The following CASP2 variants were observed in gnomAD, a reference collection of about 807,000 sequenced individuals.
The protein encoded by CASP2 is caspase-2.
In CASP2, 38 loss-of-function variants were observed where a neutral mutation model predicts 54.4. The observed-to-expected ratio is 0.70, with a 90% confidence interval of 0.54 to 0.92. The LOEUF (loss-of-function observed/expected upper bound fraction) is 0.92. CASP2 is among the 40% of genes least tolerant of loss of function. The probability of loss-of-function intolerance (pLI) is 0.00; values close to 1 mark genes in which losing one functional copy is unlikely to be tolerated. For synonymous variants in CASP2, 215 were observed against 216.3 expected, an observed-to-expected ratio of 0.99 and a Z score of 0.05; for missense variants, 512 against 579.6, an observed-to-expected ratio of 0.88 and a Z score of 1.20.
At position 143,293,031 on chromosome 7, in the gene CASP2, A is replaced by ATAAAT. The variant is rs1228782366; in HGVS notation, c.475+337_475+338insTTAAA. The ATAAAT allele has an allele frequency of 7.4e-5, 44 of 598,110 alleles. No homozygotes were observed. In the African/African-American group the frequency reaches 8.2e-4, roughly 11 times the overall value. The allele number at this position is 598,110 out of a possible 1,614,324, so 37.1% of individuals were successfully genotyped here. ...GTCTCAAAAAATAAAATAAAATAAA[A>ATAAAT]TAAAAAGGAGGGGGGTGTCCCAGAT... On this transcript the variant is annotated intron_variant, in intron 4 of 10. Coordinates refer to ENST00000310447, the MANE Select transcript of CASP2 (RefSeq NM_032982.4).
chr7:143,292,258 A>G (rs1297296601), intron 2 of CASP2, 42 bp from the exon 3 acceptor site: 13 of 1,598,136 alleles, frequency 8.1e-6, no homozygotes, highest in South Asian at 1.1e-5. Flanking sequence ...AATTATAGCT[A>G]GAGAAGTAAA....
intron 6 of CASP2, among the ~76,000 whole-genome samples, chr7:143,297,347 T>C (rs1480791441): frequency 6.6e-6 from 1 of 152,230 alleles, no homozygotes. Flanking sequence ...GGTTACAAAG[T>C]GCGTGTATTC....
At chr7:143,301,487 A>C (rs1801916278) in intron 8 of CASP2, 1 of 152,218 alleles carries the variant, frequency 6.6e-6, no homozygotes, top group Admixed American at 6.5e-5. Context: ...AGACTAGTTC[A>C]CAGGCCTCAT....
chr7:143,292,313 G>C lies in CASP2; in HGVS notation c.239G>C (p.Ser80Thr). The change falls in exon 3 of 11, where the codon AGT becomes ACT. Residue 80 changes from serine to threonine, a missense_variant. Ser to Thr is a moderately conservative substitution (Grantham distance 58, BLOSUM62 1). Coordinates refer to ENST00000310447, the MANE Select transcript of CASP2 (RefSeq NM_032982.4). ...MRELIQAKVG[S>T]FSQNVELLNL... ...CTTGTGTCTTAGGCCAAAGTGGGCA[G>C]TTTCAGCCAGAATGTGGAACTCCTC... 6.2e-7 allele frequency: 1 copy of C among 1,614,214 alleles called. No homozygotes were observed.
rs373307509 is a variant in CASP2, at chr7:143,288,566, C to A, written c.74+37C>A. On this transcript the variant is annotated intron_variant, in intron 1 of 10. Transcript: ENST00000310447. Reference sequence around the variant, plus strand: ...ACGGTCTTAGGGCTCCTTAGGGGAGCCCAGGGAAGGGGAGCGTGGCCCCCA... The same window carrying A: ...ACGGTCTTAGGGCTCCTTAGGGGAGACCAGGGAAGGGGAGCGTGGCCCCCA... The A allele has an allele frequency of 5.1e-6, 8 of 1,571,150 alleles. No individual in the cohort carries two copies. In the African/African-American group the frequency reaches 9.5e-5, roughly 19 times the overall value.
chr7:143,304,422 G>A (rs776008372), intron 9 of CASP2, among the ~76,000 whole-genome samples: 4 of 152,184 alleles, frequency 2.6e-5, no homozygotes, highest in Non-Finnish European at 4.4e-5. Flanking sequence ...CATAACTTCC[G>A]TATACACTGG....
chr7:143,292,654 TG>T lies in CASP2; in HGVS notation c.432del (p.Cys145ValfsTer21). The T allele has an allele frequency of 6.2e-7, 1 of 1,613,372 alleles. No individual in the cohort carries two copies. Among genetic ancestry groups the T allele is most frequent in the Non-Finnish European group, 8.5e-7 (1 of 1,180,002 alleles). On this transcript the variant is annotated frameshift_variant, in exon 4 of 11. Transcript: ENST00000310447. LOFTEE classifies it high-confidence loss of function. Reference sequence around the variant, plus strand: ...TACGACTTGAGTCTCCCTTTTCCGGTGTGTGAGTCCTGTCCCCTTTACAAGA... The same window carrying T: ...TACGACTTGAGTCTCCCTTTTCCGGTTGTGAGTCCTGTCCCCTTTACAAGA... ...CDYDLSLPFP[V>X]CESCPLYKKL...
chr7:143,304,747 G>T lies in CASP2; in HGVS notation c.1191G>T (p.Arg397=). 6.2e-7 allele frequency: 1 copy of T among 1,614,182 alleles called. No individual in the cohort carries two copies. The highest frequency in any genetic ancestry group is 1.1e-5 in the South Asian group (1 of 91,078). ...IEALAQVFSE[R]ACDMHVADML... is the part of the protein sequence containing the mutation. The stretch of plus-strand genomic sequence containing the variant: ...CTCTTGCTCAAGTGTTTTCTGAGCG[G>T]GCTTGTGATATGCACGTGGCCGACA... Residue 397 remains arginine (R), a synonymous_variant, in exon 10 of 11, where the codon CGG becomes CGT. Coordinates refer to ENST00000310447, the MANE Select transcript of CASP2 (RefSeq NM_032982.4).
At chr7:143,304,069 GT>G in intron 9 of CASP2, 136 bp downstream of exon 9, 3 of 901,548 alleles carry the variant, frequency 3.3e-6, no homozygotes, top group Non-Finnish European at 5.2e-6. Flanking sequence ...GGATTTTTTT[GT>G]TTTTTTGGAT....
chr7:143,292,455 T>C lies in CASP2; in HGVS notation c.381T>C (p.His127=), dbSNP rs757036285. 1.1e-5 allele frequency: 18 copies of C among 1,614,048 alleles called. No homozygotes were observed. ...MLLTTLSGLQ[H]VLPPLSCDYD... is the part of the protein sequence containing the mutation. The stretch of plus-strand genomic sequence containing the variant: ...TCACCACCCTTTCTGGGCTTCAGCA[T>C]GTACTCCCACCGGTATGAAGCTTTA... Residue 127 remains histidine, a synonymous_variant, in exon 3 of 11, where the codon CAT becomes CAC. Transcript: ENST00000310447.
chr7:143,293,578 C>T (rs762497073), intron 4 of CASP2, among the ~76,000 whole-genome samples: 3 of 150,936 alleles, frequency 2.0e-5, no homozygotes, highest in Non-Finnish European at 2.9e-5. Context: ...GGTGCAGTCT[C>T]GGCTCACTGC....
In CASP2 at chr7:143,305,153, CG is replaced by C. The variant is rs1802031946; in HGVS notation, c.*84del. ...TAGAGCCTTTGATCTTCAGGATGCA[CG>C]GTTTCTGTTCTGCCCCCTCAGGGAT... On this transcript the variant is annotated 3_prime_UTR_variant, in exon 11 of 11. Transcript: ENST00000310447. 1 of 1,554,032 alleles carries C rather than the reference CG, an allele frequency of 6.4e-7. No homozygotes were observed. Among genetic ancestry groups the C allele is most frequent in the South Asian group, 1.1e-5 (1 of 89,364 alleles).
Position 143,306,038 on chromosome 7 carries a change from G to C in CASP2, c.*967G>C, listed in dbSNP as rs1802052146. 6.6e-6 allele frequency: 1 copy of C among 152,044 alleles called. No homozygotes were observed. The highest frequency in any genetic ancestry group is 2.4e-5 in the African/African-American group (1 of 41,384). The allele number at this position is 152,044 out of a possible 1,614,324, so 9.4% of individuals were successfully genotyped here. ...CCTTCATTTCATCCTGTTGGCTGCT[G>C]CCACCAAATCTGTCTAGAATCCTGC... is the stretch of plus-strand genomic sequence containing the variant. On this transcript the variant is annotated 3_prime_UTR_variant, in exon 11 of 11. Coordinates refer to ENST00000310447, the MANE Select transcript of CASP2 (RefSeq NM_032982.4).
intron 2 of CASP2, 26 bp downstream of exon 2, chr7:143,291,716 T>C (rs1801566601): frequency 6.2e-7 from 1 of 1,600,320 alleles, no homozygotes; most frequent in Admixed American, 1.7e-5. Context: ...AGAGAGAAGA[T>C]AAATTGATCA....
In CASP2 at chr7:143,288,385, G is replaced by A. The variant is rs1801441352; in HGVS notation, c.-71G>A. 2 of 1,491,342 alleles carry A rather than the reference G, an allele frequency of 1.3e-6. No individual in the cohort carries two copies. Among genetic ancestry groups the A allele is most frequent in the Non-Finnish European group, 1.9e-6 (2 of 1,078,184 alleles). 92.4% of individuals were successfully genotyped at this position (1,491,342 alleles called of 1,614,324 possible). A position where few individuals can be genotyped will look rare whatever the true frequency, so the allele number is the denominator to read the frequency against. On this transcript the variant is annotated 5_prime_UTR_variant, in exon 1 of 11. The change creates a premature stop within an existing upstream ORF in the 5' untranslated region. Transcript: ENST00000310447. ...GTCCGCGTCTGAGGGGAGGGATGTG[G>A]GGGAAGCGACGGCCCCCGGTTTGTT... is the stretch of plus-strand genomic sequence containing the variant.
intron 9 of CASP2, among the ~76,000 whole-genome samples, chr7:143,304,397 C>G (rs1563066651): frequency 6.6e-6 from 1 of 152,218 alleles, no homozygotes. Context: ...ACTTAATAGA[C>G]TGTAGGATAG....
chr7:143,298,639 A>G (rs1443640083), intron 6 of CASP2: 1 of 152,180 alleles, frequency 6.6e-6, no homozygotes, highest in Admixed American at 6.5e-5. Flanking sequence ...AACTAAGTTC[A>G]TCATCAATAT....
At position 143,294,288 on chromosome 7, in the gene CASP2, T is replaced by A; in HGVS notation, c.534T>A (p.Pro178=). 1 of 1,611,948 alleles carries A rather than the reference T, an allele frequency of 6.2e-7. No individual in the cohort carries two copies. ...KDGPVCLQVK[P]CTPEFYQTHF... is the part of the protein sequence containing the mutation. ...GTCCTGTCTGCCTTCAGGTGAAGCC[T>A]TGCACTCCTGAATTTTATCAAACAC... The change falls in exon 5 of 11, where the codon CCT becomes CCA. Residue 178 remains proline (P), a synonymous_variant. Transcript: ENST00000310447.
chr7:143,303,980 CTT>C, intron 9 of CASP2, 47 bp downstream of exon 9: 1 of 1,529,918 alleles, frequency 6.5e-7, no homozygotes, highest in Non-Finnish European at 8.9e-7. Context: ...TTTTGTTGCA[CTT>C]TGCTTTATTG....
Sources: gnomAD v4.1 joint callset for allele counts (sites outside exome capture counted in the v4.1 genomes callset) on GRCh38, gnomAD v4.1.1 for gene constraint, MANE v1.5 for transcripts, NCBI Gene and HGNC (gene_info 2026-07-23, HGNC 2026-07-21) for gene names.